Variants in TDRD7 observed in about 807,000 individuals in gnomAD.
TDRD7 encodes tudor domain containing 7.
TDRD7 carries 47 observed loss-of-function variants against 109.8 expected under a neutral mutation model. The ratio of observed to expected loss-of-function variants is 0.43; its 90% CI spans 0.34 to 0.55. The LOEUF (loss-of-function observed/expected upper bound fraction) is 0.55. TDRD7 is among the 20% of genes least tolerant of loss of function. The pLI, the probability that TDRD7 is intolerant of heterozygous loss-of-function variation, is 0.03. For missense variants in TDRD7, 1,164 were observed against 1,319.2 expected (o/e 0.88, Z 1.82); for synonymous variants, 424 against 457.3 (o/e 0.93, Z 0.93).
At position 97,495,932 on chromosome 9, in the gene TDRD7, C is replaced by A. The variant is rs765409051; in HGVS notation, c.*49C>A. On this transcript the variant is annotated 3_prime_UTR_variant, in exon 17 of 17. Coordinates refer to ENST00000355295, the MANE Select transcript of TDRD7 (RefSeq NM_014290.3). ...ACTAATTCAGATTTTTTAGCAATAA[C>A]AAAATGTAGTAGGCTTAAAAAAAAT... 4.0e-6 allele frequency: 6 copies of A among 1,497,244 alleles called. No individual in the cohort carries two copies. Among genetic ancestry groups the A allele is most frequent in the Non-Finnish European group, 5.6e-6 (6 of 1,075,226 alleles). 92.7% of individuals were successfully genotyped at this position (1,497,244 alleles called of 1,614,324 possible). A position where few individuals can be genotyped will look rare whatever the true frequency, so the allele number is the denominator to read the frequency against.
rs371276669 is a variant in TDRD7 at position 97,470,575 on chromosome 9, T to C, written c.1647T>C (p.Tyr549=). Residue 549 remains tyrosine (Y), a synonymous_variant, in exon 9 of 17, where the codon TAT becomes TAC. Coordinates refer to ENST00000355295, the MANE Select transcript of TDRD7 (RefSeq NM_014290.3). ...ENKIKVCYVD[Y]GFSENVEKSK... ...ATCATTAGGTATGCTATGTTGACTA[T>C]GGTTTTAGTGAAAATGTTGAAAAAA... 1.2e-6 allele frequency: 2 copies of C among 1,613,538 alleles called. No homozygotes were observed. The highest frequency in any genetic ancestry group is 1.3e-5 in the African/African-American group (1 of 74,920).
At chr9:97,471,549 A>G (rs529391959) in intron 9 of TDRD7, among the ~76,000 whole-genome samples, 1 of 152,346 alleles carries the variant, frequency 6.6e-6, no homozygotes, top group Admixed American at 6.5e-5. Context: ...TGTCTGGAGA[A>G]CAGAACAAGA....
At chr9:97,464,776 C>T (rs1828794088) in intron 7 of TDRD7, 66 bp from the exon 8 acceptor site, 8 of 1,587,480 alleles carry the variant, frequency 5.0e-6, no homozygotes, top group Admixed American at 3.3e-5. Context: ...AGGACAAAAA[C>T]GAATTCCTAT....
intron 8 of TDRD7, among the ~76,000 whole-genome samples, chr9:97,466,529 C>G (rs1053243815): frequency 5.9e-5 from 9 of 152,204 alleles, no homozygotes; most frequent in African/African-American, 2.2e-4. Flanking sequence ...TAGCCCCAAA[C>G]TGGACACAGC....
chr9:97,466,341 C>T (rs1828821690), intron 8 of TDRD7, among the ~76,000 whole-genome samples: 1 of 152,160 alleles, frequency 6.6e-6, no homozygotes, highest in Non-Finnish European at 1.5e-5. Flanking sequence ...TTTGCAGAGG[C>T]ATTTAGGAAA....
intron 3 of TDRD7, among the ~76,000 whole-genome samples, chr9:97,431,642 T>C (rs1391090549): frequency 6.6e-6 from 1 of 152,074 alleles, no homozygotes. Context: ...AGCAATCATT[T>C]TGAATGAAAA....
chr9:97,419,462 C>T (rs1045035586), intron 1 of TDRD7, among the ~76,000 whole-genome samples: 3 of 152,166 alleles, frequency 2.0e-5, no homozygotes, highest in Non-Finnish European at 4.4e-5. Context: ...AACTATTTTC[C>T]GTGTCATCAG....
intron 9 of TDRD7, among the ~76,000 whole-genome samples, chr9:97,471,246 A>T (rs1267881187): frequency 6.6e-6 from 1 of 152,198 alleles, no homozygotes; most frequent in Admixed American, 6.5e-5. Context: ...CATGTCCGTG[A>T]TAAGGAAAGG....
In TDRD7 at chr9:97,456,705, C is replaced by T. The variant is rs183389846; in HGVS notation, c.856-3473C>T. Reference sequence around the variant, plus strand: ...AATTAAAGACTTAAATGTAAAACCCCAAACCATAAAAACCCTAGAAGAAAA... The same window carrying T: ...AATTAAAGACTTAAATGTAAAACCCTAAACCATAAAAACCCTAGAAGAAAA... On this transcript the variant is annotated intron_variant, in intron 6 of 16. Coordinates refer to ENST00000355295, the MANE Select transcript of TDRD7 (RefSeq NM_014290.3). Among the ~76,000 whole-genome samples the T allele has an allele frequency of 4.9e-3, 747 of 152,182 alleles. 3 individuals are homozygous for T. Among genetic ancestry groups the T allele is most frequent in the Non-Finnish European group, 8.0e-3 (547 of 67,986 alleles).
chr9:97,458,933 C>G (rs1322768494), intron 6 of TDRD7, among the ~76,000 whole-genome samples: 3 of 152,156 alleles, frequency 2.0e-5, no homozygotes, highest in Admixed American at 6.5e-5. Flanking sequence ...GTGTTCTTTA[C>G]TAATAAGCTA....
chr9:97,484,271 A>G (rs1829173469), intron 15 of TDRD7, among the ~76,000 whole-genome samples: 1 of 151,808 alleles, frequency 6.6e-6, no homozygotes, highest in Non-Finnish European at 1.5e-5. Flanking sequence ...TTGGGTCCAC[A>G]CCCTCCTCCC....
intron 16 of TDRD7, among the ~76,000 whole-genome samples, chr9:97,495,009 C>A (rs1025776299): frequency 6.6e-6 from 1 of 152,116 alleles, no homozygotes; most frequent in African/African-American, 2.4e-5. Context: ...CTGTGCCCGG[C>A]CAATGTGTAC....
intron 1 of TDRD7, among the ~76,000 whole-genome samples, chr9:97,417,470 A>G (rs1827829506): frequency 6.6e-6 from 1 of 152,198 alleles, no homozygotes; most frequent in Non-Finnish European, 1.5e-5. Flanking sequence ...CAGGAAAGAG[A>G]TGTTGCTGAC....
rs1056979316 is a variant in TDRD7 at position 97,480,923 on chromosome 9, G to C, written c.2397G>C (p.Ser799=). 6.2e-7 allele frequency: 1 copy of C among 1,613,760 alleles called. No homozygotes were observed. The highest frequency in any genetic ancestry group is 1.3e-5 in the African/African-American group (1 of 74,904). Residue 799 remains serine, a synonymous_variant, in exon 14 of 17, where the codon TCG becomes TCC. Transcript: ENST00000355295. Reference sequence around the variant, plus strand: ...TAAGAGATTCTGTTTTGAATTGCTCGGACTGTAGCATTAAGGTTAGCTATC... The same window carrying C: ...TAAGAGATTCTGTTTTGAATTGCTCCGACTGTAGCATTAAGGTTAGCTATC... ...LWLRDSVLNC[S]DCSIKVTKVD...
chr9:97,493,827 A>G (rs1411719678), intron 16 of TDRD7, among the ~76,000 whole-genome samples: 1 of 152,170 alleles, frequency 6.6e-6, no homozygotes, highest in African/African-American at 2.4e-5. Context: ...TATTTCTCCC[A>G]TTTGCTTTTG....
At chr9:97,439,158 A>T in intron 4 of TDRD7, 87 bp from the exon 5 acceptor site, 1 of 974,590 alleles carries the variant, frequency 1.0e-6, no homozygotes, top group Non-Finnish European at 1.4e-6. Context: ...TGCCACTGAG[A>T]CTTTAAATGA....
chr9:97,464,277 C>T (rs1049373186), intron 7 of TDRD7, among the ~76,000 whole-genome samples: 3 of 152,196 alleles, frequency 2.0e-5, no homozygotes, highest in Non-Finnish European at 4.4e-5. Flanking sequence ...GTCTGGATTG[C>T]TCCACGTTTC....
chr9:97,422,286 C>G (rs1042020531), intron 1 of TDRD7, among the ~76,000 whole-genome samples: 1 of 152,046 alleles, frequency 6.6e-6, no homozygotes, highest in Admixed American at 6.6e-5. Context: ...TCCCAGCCAA[C>G]TTGGGAGGCT....
chr9:97,461,455 A>G (rs1467397438), intron 7 of TDRD7, among the ~76,000 whole-genome samples: 1 of 152,232 alleles, frequency 6.6e-6, no homozygotes, highest in Admixed American at 6.5e-5. Flanking sequence ...TTCCTTGTAT[A>G]ATACATCAGA....
Sources: allele counts gnomAD v4.1 joint callset (sites outside exome capture counted in the v4.1 genomes callset), GRCh38; gene constraint gnomAD v4.1.1; transcripts MANE v1.5; gene names NCBI Gene and HGNC (gene_info 2026-07-23, HGNC 2026-07-21).